JAKMIP2: variants seen among roughly 807,000 people sequenced by gnomAD.
The protein encoded by JAKMIP2 is janus kinase and microtubule-interacting protein 2.
Under a neutral mutation model 115.0 loss-of-function variants are expected in JAKMIP2, and 25 were observed. The ratio of observed to expected loss-of-function variants is 0.22; its 90% CI spans 0.16 to 0.30. The LOEUF is 0.30. JAKMIP2 is among the 10% of genes least tolerant of loss of function. The pLI, the probability that JAKMIP2 is intolerant of heterozygous loss-of-function variation, is 1.00. For synonymous variants in JAKMIP2, 334 were observed against 343.6 expected (o/e 0.97, Z 0.31); for missense variants, 642 against 957.6 (o/e 0.67, Z 4.35).
chr5:147,757,705 G>GT (rs1224865977), intron 1 of JAKMIP2, among the ~76,000 whole-genome samples: 2 of 152,104 alleles, frequency 1.3e-5, no homozygotes, highest in Non-Finnish European at 2.9e-5. Context: ...ATTTAGCACA[G>GT]TATCAGACAT....
At chr5:147,732,554 T>C (rs971477962) in intron 1 of JAKMIP2, among the ~76,000 whole-genome samples, 3 of 152,192 alleles carry the variant, frequency 2.0e-5, no homozygotes, top group African/African-American at 4.8e-5. Context: ...ATGGTGGATA[T>C]AGGAGAAAAC....
chr5:147,659,758 A>C (rs1270648073), intron 3 of JAKMIP2, among the ~76,000 whole-genome samples: 2 of 152,216 alleles, frequency 1.3e-5, no homozygotes, highest in African/African-American at 4.8e-5. Context: ...ATATTTCTGC[A>C]CTGTGTTTGG....
chr5:147,733,625 C>T (rs74468645), intron 1 of JAKMIP2, among the ~76,000 whole-genome samples: 57 of 152,190 alleles, frequency 3.7e-4, no homozygotes, highest in African/African-American at 1.3e-3. Context: ...CTCTCCCACC[C>T]GCTGACAGGC....
chr5:147,645,997 AT>A (rs1758115289), intron 5 of JAKMIP2, among the ~76,000 whole-genome samples: 1 of 152,156 alleles, frequency 6.6e-6, no homozygotes, highest in Non-Finnish European at 1.5e-5. Context: ...TGATTAGCTT[AT>A]TCTTTTCTTA....
At chr5:147,754,772 G>A (rs1196597121) in intron 1 of JAKMIP2, among the ~76,000 whole-genome samples, 1 of 152,120 alleles carries the variant, frequency 6.6e-6, no homozygotes, top group Non-Finnish European at 1.5e-5. Context: ...GGGCCTCATA[G>A]CTAATTATTG....
At chr5:147,657,856 G>A (rs1209621468) in intron 3 of JAKMIP2, among the ~76,000 whole-genome samples, 1 of 151,918 alleles carries the variant, frequency 6.6e-6, no homozygotes, top group Non-Finnish European at 1.5e-5. Flanking sequence ...CCTCTATCAG[G>A]TCATTTATGT....
At position 147,737,991 on chromosome 5, in the gene JAKMIP2, GT is replaced by G. The variant is rs959148938; in HGVS notation, c.-149+44464del. 1.0e-4 allele frequency among the ~76,000 whole-genome samples: 15 copies of G among 149,444 alleles called. No homozygotes were observed. In the South Asian group the frequency reaches 1.1e-3, roughly 11 times the overall value. ...GAGCTTGAACCATTTACTTTCACAA[GT>G]TTTTTTTTTCCTTAAAAGAAACAAT... On this transcript the variant is annotated intron_variant, in intron 1 of 21. Transcript: ENST00000616793.
intron 1 of JAKMIP2, among the ~76,000 whole-genome samples, chr5:147,771,041 G>T (rs11739071): frequency 0.069 from 10,507 of 152,062 alleles, 775 homozygotes; most frequent in East Asian, 0.4. Context: ...TAAGCAGAGC[G>T]TTGCTGTCCT....
intron 1 of JAKMIP2, among the ~76,000 whole-genome samples, chr5:147,737,558 G>A (rs1381427333): frequency 6.6e-6 from 1 of 152,120 alleles, no homozygotes; most frequent in Non-Finnish European, 1.5e-5. Context: ...AGACCTCCAG[G>A]TTTAGCTATT....
intron 3 of JAKMIP2, among the ~76,000 whole-genome samples, chr5:147,652,040 G>A (rs1758422382): frequency 6.6e-6 from 1 of 151,982 alleles, no homozygotes; most frequent in African/African-American, 2.4e-5. Context: ...TTCTATTACT[G>A]CCCACATTCA....
At chr5:147,612,124 T>G (rs770598756) in intron 20 of JAKMIP2, 182 bp downstream of exon 20, 2 of 734,926 alleles carry the variant, frequency 2.7e-6, no homozygotes, top group Admixed American at 1.7e-5. Context: ...GCTGGGTTAC[T>G]GATGGCAGAC....
rs1046771090 is a variant in JAKMIP2 at position 147,601,688 on chromosome 5, T to A, written c.*20+53A>T. ...GGCATAGTAACTATAGGTAACATCCTTTTTATCAAATACCTCTTAGAACCA... is the reference window on the plus strand; with the variant it reads ...GGCATAGTAACTATAGGTAACATCCATTTTATCAAATACCTCTTAGAACCA... On this transcript the variant is annotated intron_variant, in intron 21 of 21. Coordinates refer to ENST00000616793, the MANE Select transcript of JAKMIP2 (RefSeq NM_001270941.2). The A allele has an allele frequency of 4.6e-6, 6 of 1,312,514 alleles. No homozygotes were observed. In the Admixed American group the frequency reaches 1.7e-4, roughly 36 times the overall value. The allele number at this position is 1,312,514 out of a possible 1,614,324, so 81.3% of individuals were successfully genotyped here. A position where few individuals can be genotyped will look rare whatever the true frequency, so the allele number is the denominator to read the frequency against.
chr5:147,614,904 G>A (rs1452301257), intron 19 of JAKMIP2, among the ~76,000 whole-genome samples: 5 of 152,144 alleles, frequency 3.3e-5, no homozygotes, highest in Non-Finnish European at 7.3e-5. Context: ...GGGACACTTG[G>A]CCAAGATCTT....
At chr5:147,664,020 C>T (rs77235521) in intron 2 of JAKMIP2, among the ~76,000 whole-genome samples, 3 of 152,094 alleles carry the variant, frequency 2.0e-5, no homozygotes, top group African/African-American at 4.8e-5. Flanking sequence ...TCTCCTTTAT[C>T]GTTTTTATAT....
At chr5:147,620,233 T>A (rs1756784152) in intron 18 of JAKMIP2, among the ~76,000 whole-genome samples, 1 of 152,300 alleles carries the variant, frequency 6.6e-6, no homozygotes, top group African/African-American at 2.4e-5. Flanking sequence ...TGGCTAGTAC[T>A]ACAAAGTGCA....
intron 5 of JAKMIP2, among the ~76,000 whole-genome samples, chr5:147,645,848 G>A (rs887377354): frequency 6.6e-6 from 1 of 152,264 alleles, no homozygotes; most frequent in African/African-American, 2.4e-5. Flanking sequence ...ATCGCCTGTA[G>A]TTGGGAACCA....
At chr5:147,615,654 G>A (rs1474246213) in intron 19 of JAKMIP2, among the ~76,000 whole-genome samples, 1 of 152,148 alleles carries the variant, frequency 6.6e-6, no homozygotes, top group African/African-American at 2.4e-5. Flanking sequence ...AGGTCCTCAT[G>A]GCACCTGCAT....
chr5:147,690,026 A>T (rs1387914732), intron 1 of JAKMIP2, among the ~76,000 whole-genome samples: 1 of 152,144 alleles, frequency 6.6e-6, no homozygotes, highest in African/African-American at 2.4e-5. Context: ...CATAGTGAAA[A>T]ATTAGAAACA....
intron 3 of JAKMIP2, among the ~76,000 whole-genome samples, chr5:147,656,241 CTTG>C (rs1391156119): frequency 1.3e-5 from 2 of 152,184 alleles, no homozygotes; most frequent in East Asian, 3.8e-4. Context: ...CCTGAATACC[CTTG>C]TTATTTTTCT....
Sources: gnomAD v4.1 joint callset for allele counts (sites outside exome capture counted in the v4.1 genomes callset) on GRCh38, gnomAD v4.1.1 for gene constraint, MANE v1.5 for transcripts, NCBI Gene and HGNC (gene_info 2026-07-23, HGNC 2026-07-21) for gene names.